The following FAM240B variants were observed in gnomAD, a reference collection of about 807,000 sequenced individuals.
FAM240B encodes the protein family with sequence similarity 240 member B.
At chr9:38,708,999 T>C (rs529707990) in intron 1 of FAM240B, among the ~76,000 whole-genome samples, 10 of 151,976 alleles carry the variant, frequency 6.6e-5, no homozygotes, top group Non-Finnish European at 1.5e-4. Flanking sequence ...TGGTGATGAG[T>C]TTCACCCTTA....
chr9:38,706,318 C>G (rs1315089661), intron 1 of FAM240B, among the ~76,000 whole-genome samples: 1 of 151,994 alleles, frequency 6.6e-6, no homozygotes, highest in Non-Finnish European at 1.5e-5. Flanking sequence ...GCTGTCAGGA[C>G]CTGGAGCCTG....
At chr9:38,695,984 T>TA (rs755076727) in intron 2 of FAM240B, among the ~76,000 whole-genome samples, 8 of 152,332 alleles carry the variant, frequency 5.3e-5, no homozygotes, top group Non-Finnish European at 1.2e-4. Flanking sequence ...ATTATGTATC[T>TA]ATATTCAAAC....
intron 2 of FAM240B, among the ~76,000 whole-genome samples, chr9:38,702,673 C>A (rs964300662): frequency 2.0e-5 from 3 of 152,202 alleles, no homozygotes; most frequent in Non-Finnish European, 4.4e-5. Flanking sequence ...CATCTCTCAG[C>A]AGACTCCTTG....
At chr9:38,714,361 T>A (rs1473617205) in intron 1 of FAM240B, among the ~76,000 whole-genome samples, 1 of 152,198 alleles carries the variant, frequency 6.6e-6, no homozygotes, top group Non-Finnish European at 1.5e-5. Context: ...AGGAACACAA[T>A]GCTTGCATGA....
At chr9:38,699,557 C>T (rs2118999586) in intron 2 of FAM240B, among the ~76,000 whole-genome samples, 1 of 152,256 alleles carries the variant, frequency 6.6e-6, no homozygotes, top group Non-Finnish European at 1.5e-5. Flanking sequence ...GTGGGGAGTC[C>T]CTGAGCAAAT....
intron 1 of FAM240B, among the ~76,000 whole-genome samples, chr9:38,719,248 C>G (rs781267134): frequency 9.2e-5 from 14 of 151,844 alleles, no homozygotes; most frequent in Admixed American, 1.3e-4. Context: ...GCATCCCCCC[C>G]CACCCCCAGC....
intron 1 of FAM240B, among the ~76,000 whole-genome samples, chr9:38,711,823 A>AT (rs1047816090): frequency 6.6e-6 from 1 of 151,402 alleles, no homozygotes; most frequent in East Asian, 1.9e-4. Context: ...TATCCGGCTA[A>AT]TTTTTTTTGT....
chr9:38,708,895 A>G (rs1821221360), intron 1 of FAM240B, among the ~76,000 whole-genome samples: 1 of 152,240 alleles, frequency 6.6e-6, no homozygotes, highest in African/African-American at 2.4e-5. Context: ...GGCTGTAAGA[A>G]TTAGAAAGCC....
chr9:38,707,138 C>A (rs1821199498), intron 1 of FAM240B, among the ~76,000 whole-genome samples: 1 of 152,114 alleles, frequency 6.6e-6, no homozygotes, highest in African/African-American at 2.4e-5. Context: ...CAAAATACCC[C>A]TAAAGATTGC....
At chr9:38,710,925 G>A (rs10122267) in intron 1 of FAM240B, among the ~76,000 whole-genome samples, 5,065 of 152,192 alleles carry the variant, frequency 0.033, 281 homozygotes, top group African/African-American at 0.11. Context: ...TGGTGATAGA[G>A]CTAAGATTTA....
chr9:38,710,121 C>T (rs533011726), intron 1 of FAM240B, among the ~76,000 whole-genome samples: 2 of 152,278 alleles, frequency 1.3e-5, no homozygotes, highest in South Asian at 4.1e-4. Context: ...AGGTGCACAC[C>T]ACCACACCCA....
rs532554109 is a variant in FAM240B at position 38,716,994 on chromosome 9, G to A, written c.-4+3028C>T. 4.6e-5 allele frequency among the ~76,000 whole-genome samples: 7 copies of A among 152,246 alleles called. No homozygotes were observed. The East Asian group carries it at 1.4e-3, about 29-fold the overall frequency. ...TCCATCAATCAAGTGTAACTCCTCA[G>A]AAATTTGAGGCACCCCAGAGAGGCA... On this transcript the variant is annotated intron_variant, in intron 1 of 2. Coordinates refer to ENST00000637493, the MANE Select transcript of FAM240B (RefSeq NM_001394922.1).
chr9:38,707,924 A>G (rs1821209459), intron 1 of FAM240B, among the ~76,000 whole-genome samples: 1 of 152,082 alleles, frequency 6.6e-6, no homozygotes, highest in Non-Finnish European at 1.5e-5. Context: ...TTCATAGAGT[A>G]GCTTGAGAGT....
chr9:38,705,081 G>A (rs767408857), intron 1 of FAM240B, among the ~76,000 whole-genome samples: 4 of 152,138 alleles, frequency 2.6e-5, no homozygotes, highest in Non-Finnish European at 5.9e-5. Flanking sequence ...CAGATCTTAG[G>A]AGCGCCATCA....
At chr9:38,703,251 G>A (rs185148780) in intron 2 of FAM240B, among the ~76,000 whole-genome samples, 38 of 152,318 alleles carry the variant, frequency 2.5e-4, no homozygotes, top group African/African-American at 6.7e-4. Flanking sequence ...TGGCTAGGGA[G>A]AGACTGCCCC....
At chr9:38,707,613 C>CAAAAAAAAAAA (rs79179441) in intron 1 of FAM240B, among the ~76,000 whole-genome samples, 3 of 92,372 alleles carry the variant, frequency 3.2e-5, no homozygotes, top group Non-Finnish European at 4.3e-5. Flanking sequence ...CTAAAAAAAA[C>CAAAAAAAAAAA]AAAAAAAAAA....
chr9:38,695,791 G>A (rs1189741816), intron 2 of FAM240B, among the ~76,000 whole-genome samples: 1 of 152,180 alleles, frequency 6.6e-6, no homozygotes, highest in African/African-American at 2.4e-5. Flanking sequence ...CACACTACCT[G>A]ATTTGAAGCT....
intron 1 of FAM240B, among the ~76,000 whole-genome samples, chr9:38,709,774 G>A (rs533809366): frequency 3.9e-4 from 59 of 152,280 alleles, no homozygotes; most frequent in African/African-American, 1.2e-3. Flanking sequence ...GTAAGATTAA[G>A]CTCCTATTTT....
chr9:38,712,843 T>C (rs1423513162), intron 1 of FAM240B, among the ~76,000 whole-genome samples: 2 of 152,230 alleles, frequency 1.3e-5, no homozygotes, highest in Non-Finnish European at 2.9e-5. Flanking sequence ...TCAGTGCTGA[T>C]ACTGGGCTGT....
Sources: allele counts gnomAD v4.1 joint callset (sites outside exome capture counted in the v4.1 genomes callset), GRCh38; gene constraint gnomAD v4.1.1; transcripts MANE v1.5; gene names NCBI Gene and HGNC (gene_info 2026-07-23, HGNC 2026-07-21).